The following CACNB2 variants were observed in gnomAD, a reference collection of about 807,000 sequenced individuals.
CACNB2 encodes calcium voltage-gated channel auxiliary subunit beta 2, also known as voltage-dependent L-type calcium channel subunit beta-2.
CACNB2 carries 42 observed loss-of-function variants against 73.3 expected under a neutral mutation model. That is an observed-to-expected ratio of 0.57 (90% CI 0.45 to 0.74). The LOEUF (loss-of-function observed/expected upper bound fraction) is 0.74. Ranked by LOEUF, CACNB2 falls within the 30% of genes least tolerant of loss-of-function variation. The pLI, the probability that CACNB2 is intolerant of heterozygous loss-of-function variation, is 0.00. For synonymous variants in CACNB2, 348 were observed against 310.3 expected, an observed-to-expected ratio of 1.12 and a Z score of -1.28; for missense variants, 940 against 853.0, an observed-to-expected ratio of 1.10 and a Z score of -1.27.
chr10:18,255,317 C>A (rs997558608), intron 2 of CACNB2, among the ~76,000 whole-genome samples: 1 of 152,172 alleles, frequency 6.6e-6, no homozygotes, highest in Non-Finnish European at 1.5e-5. Flanking sequence ...CCTCTCCCTG[C>A]CTTTAGTGAA....
intron 3 of CACNB2, among the ~76,000 whole-genome samples, chr10:18,479,014 T>C (rs957409939): frequency 4.6e-5 from 7 of 152,000 alleles, no homozygotes; most frequent in Admixed American, 2.0e-4. Context: ...GTTCTGATCC[T>C]ACCACTGCAC....
chr10:18,276,129 C>T (rs138240810), intron 2 of CACNB2, among the ~76,000 whole-genome samples: 158 of 152,264 alleles, frequency 1.0e-3, no homozygotes, highest in African/African-American at 3.5e-3. Flanking sequence ...TTCAGTTTCA[C>T]ATGATATAAA....
chr10:18,393,109 T>A (rs1477570674), intron 2 of CACNB2, among the ~76,000 whole-genome samples: 1 of 151,146 alleles, frequency 6.6e-6, no homozygotes, highest in Non-Finnish European at 1.5e-5. Context: ...CTCAGGAAGC[T>A]GAGGCAGGAG....
chr10:18,414,462 C>T (rs2044821277), intron 3 of CACNB2, among the ~76,000 whole-genome samples: 1 of 150,440 alleles, frequency 6.6e-6, no homozygotes, highest in South Asian at 2.1e-4. Context: ...CTGATGGTTC[C>T]AGAATCCTTG....
chr10:18,175,603 T>TAAGTACTTCTTTG (rs1390616303), intron 2 of CACNB2, among the ~76,000 whole-genome samples: 3 of 152,198 alleles, frequency 2.0e-5, no homozygotes, highest in Non-Finnish European at 2.9e-5. Flanking sequence ...GAATTTTTTT[T>TAAGTACTTCTTTG]AAGTACTTCT....
At chr10:18,188,937 G>A (rs528541869) in intron 2 of CACNB2, among the ~76,000 whole-genome samples, 12 of 152,024 alleles carry the variant, frequency 7.9e-5, no homozygotes, top group Admixed American at 2.6e-4. Flanking sequence ...GATAAGAACC[G>A]CACTTGAGAG....
intron 2 of CACNB2, among the ~76,000 whole-genome samples, chr10:18,172,236 T>C: frequency 6.6e-6 from 1 of 152,032 alleles, no homozygotes; most frequent in East Asian, 1.9e-4. Flanking sequence ...TAGTGGCAAG[T>C]GCCTGTAGTC....
chr10:18,495,729 T>C (rs1342806375), intron 3 of CACNB2, among the ~76,000 whole-genome samples: 2 of 152,076 alleles, frequency 1.3e-5, no homozygotes, highest in African/African-American at 4.8e-5. Context: ...AAAAAATATA[T>C]ATTTTTTGCT....
At chr10:18,171,543 A>AAAAAAAAAAAAAAAAAAAAAAG (rs1564314409) in intron 2 of CACNB2, among the ~76,000 whole-genome samples, 25 of 138,886 alleles carry the variant, frequency 1.8e-4, no homozygotes, top group African/African-American at 7.8e-4. Flanking sequence ...AAAAAAAAAA[A>AAAAAAAAAAAAAAAAAAAAAAG]AAAAAAGGCT....
At chr10:18,413,296 T>A (rs1252944422) in intron 3 of CACNB2, among the ~76,000 whole-genome samples, 1 of 152,204 alleles carries the variant, frequency 6.6e-6, no homozygotes, top group Non-Finnish European at 1.5e-5. Flanking sequence ...TATTGGGACC[T>A]TTATGTGCAT....
intron 2 of CACNB2, among the ~76,000 whole-genome samples, chr10:18,159,835 C>T (rs534992872): frequency 3.9e-5 from 6 of 152,228 alleles, no homozygotes; most frequent in African/African-American, 9.6e-5. Context: ...ATGCTGTATG[C>T]GTCACAAACA....
chr10:18,240,113 T>A (rs142291273), intron 2 of CACNB2, among the ~76,000 whole-genome samples: 12 of 152,320 alleles, frequency 7.9e-5, no homozygotes, highest in African/African-American at 2.9e-4. Flanking sequence ...ATAACTGGAA[T>A]AATAGAAATG....
chr10:18,504,353 C>T (rs933673047), intron 5 of CACNB2, among the ~76,000 whole-genome samples: 1 of 152,190 alleles, frequency 6.6e-6, no homozygotes, highest in African/African-American at 2.4e-5. Flanking sequence ...GGAGCCAGGT[C>T]TTGCCTGGCA....
At chr10:18,225,156 C>CTATTG (rs1471356608) in intron 2 of CACNB2, among the ~76,000 whole-genome samples, 1 of 150,964 alleles carries the variant, frequency 6.6e-6, no homozygotes, top group African/African-American at 2.4e-5. Flanking sequence ...TTAAAGTGAT[C>CTATTG]TATTGTATTT....
At chr10:18,376,122 G>T (rs2042788703) in intron 2 of CACNB2, among the ~76,000 whole-genome samples, 1 of 152,158 alleles carries the variant, frequency 6.6e-6, no homozygotes, top group Admixed American at 6.6e-5. Flanking sequence ...AATGGATAAA[G>T]AAAATGTGGT....
chr10:18,272,311 T>C (rs542776254), intron 2 of CACNB2, among the ~76,000 whole-genome samples: 32 of 152,282 alleles, frequency 2.1e-4, no homozygotes, highest in South Asian at 6.2e-4. Context: ...TGTCAAGGAA[T>C]GGTGAGCTAA....
At chr10:18,171,521 GAAAA>G (rs370201485) in intron 2 of CACNB2, among the ~76,000 whole-genome samples, 62 of 32,586 alleles carry the variant, frequency 1.9e-3, no homozygotes, top group Non-Finnish European at 2.7e-3. Flanking sequence ...TTTGATAGCA[GAAAA>G]AAAAAAAAAA....
At chr10:18,355,897 A>G (rs2041889708) in intron 2 of CACNB2, among the ~76,000 whole-genome samples, 1 of 151,984 alleles carries the variant, frequency 6.6e-6, no homozygotes, top group South Asian at 2.1e-4. Flanking sequence ...CTGCCTCCCA[A>G]AACACTGGGA....
intron 2 of CACNB2, among the ~76,000 whole-genome samples, chr10:18,379,024 C>A (rs1468826086): frequency 1.3e-5 from 2 of 152,084 alleles, no homozygotes; most frequent in Non-Finnish European, 2.9e-5. Flanking sequence ...TATTGTAATG[C>A]ATCCATTTGC....
Sources: allele counts gnomAD v4.1 joint callset (sites outside exome capture counted in the v4.1 genomes callset), GRCh38; gene constraint gnomAD v4.1.1; transcripts MANE v1.5; gene names NCBI Gene and HGNC (gene_info 2026-07-23, HGNC 2026-07-21).